ITPR2: variants seen among roughly 807,000 people sequenced by gnomAD.
ITPR2 encodes inositol 1,4,5-trisphosphate-gated calcium channel ITPR2.
ITPR2 carries 207 observed loss-of-function variants against 317.1 expected under a neutral mutation model. The observed-to-expected ratio is 0.65, with a 90% CI of 0.58 to 0.73. The LOEUF (loss-of-function observed/expected upper bound fraction) is 0.73. Ranked by LOEUF, ITPR2 falls within the 30% of genes least tolerant of loss-of-function variation. ITPR2 has a pLI of 0.00. For missense variants in ITPR2, 2,613 were observed against 3,284.0 expected (o/e 0.80, Z 4.99); for synonymous variants, 1,156 against 1,149.1 (o/e 1.01, Z -0.12).
chr12:26,359,095 G>A (rs1219791465), intron 55 of ITPR2, among the ~76,000 whole-genome samples: 2 of 152,368 alleles, frequency 1.3e-5, no homozygotes, highest in South Asian at 2.1e-4. Flanking sequence ...CAAGTTCTAG[G>A]AGGGCAGGGC....
intron 2 of ITPR2, 156 bp from the exon 3 acceptor site, chr12:26,725,921 A>G (rs1369843734): frequency 1.1e-5 from 6 of 534,812 alleles, no homozygotes; most frequent in African/African-American, 3.8e-5. Flanking sequence ...CATTCACTCT[A>G]TAACATCCTT....
At chr12:26,456,350 T>C (rs1198609111) in intron 45 of ITPR2, among the ~76,000 whole-genome samples, 1 of 152,196 alleles carries the variant, frequency 6.6e-6, no homozygotes, top group African/African-American at 2.4e-5. Context: ...GCCATGACAG[T>C]TTACACATGC....
At chr12:26,784,947 G>T (rs1389026561) in intron 2 of ITPR2, among the ~76,000 whole-genome samples, 2 of 1,052 alleles carry the variant, frequency 1.9e-3, no homozygotes, top group South Asian at 0.019. Flanking sequence ...GAGCGTCTCT[G>T]CCCCGCCGCC....
At chr12:26,816,039 G>A (rs937810976) in intron 1 of ITPR2, among the ~76,000 whole-genome samples, 1 of 143,696 alleles carries the variant, frequency 7.0e-6, no homozygotes, top group African/African-American at 2.6e-5. Context: ...CTTGCAGTGA[G>A]CTGAGATCGC....
At chr12:26,690,257 G>A (rs531466042) in intron 10 of ITPR2, among the ~76,000 whole-genome samples, 5 of 152,334 alleles carry the variant, frequency 3.3e-5, no homozygotes, top group Admixed American at 2.6e-4. Flanking sequence ...ATTGAACCAT[G>A]TTTGAATAAA....
In ITPR2 at chr12:26,782,012, ATATATATATATATATATATAT is replaced by A. The variant is rs1565759655; in HGVS notation, c.163+8124_163+8144del. Among the ~76,000 whole-genome samples, 83 of 30,648 alleles carry A rather than the reference ATATATATATATATATATATAT, an allele frequency of 2.7e-3. 1 individual carries two copies. The highest frequency in any genetic ancestry group is 4.3e-3 in the Non-Finnish European group (64 of 15,032). 20.1% of individuals were successfully genotyped at this position (30,648 alleles called of 152,430 possible). On this transcript the variant is annotated intron_variant, in intron 2 of 56. Coordinates refer to ENST00000381340, the MANE Select transcript of ITPR2 (RefSeq NM_002223.4). ...CCCCTGTATATATATATATATATAT[ATATATATATATATATATATAT>A]GTATAGAGAGAGAGAGAGAGAGAGA...
intron 2 of ITPR2, among the ~76,000 whole-genome samples, chr12:26,727,087 A>G (rs1948941975): frequency 1.3e-5 from 2 of 152,336 alleles, no homozygotes; most frequent in South Asian, 4.1e-4. Flanking sequence ...AGTATGATAC[A>G]GGAATCAACA....
At chr12:26,758,953 A>G (rs1050637806) in intron 2 of ITPR2, among the ~76,000 whole-genome samples, 9 of 152,242 alleles carry the variant, frequency 5.9e-5, no homozygotes, top group Non-Finnish European at 1.3e-4. Context: ...AGTCTCTTCC[A>G]TGACTGAGAT....
chr12:26,823,209 G>T (rs1454208538), intron 1 of ITPR2, among the ~76,000 whole-genome samples: 9 of 152,146 alleles, frequency 5.9e-5, no homozygotes, highest in Admixed American at 5.2e-4. Context: ...CTCAATGCCA[G>T]TGTTACCTCC....
At chr12:26,711,713 A>G (rs1565710745) in intron 8 of ITPR2, among the ~76,000 whole-genome samples, 1 of 152,222 alleles carries the variant, frequency 6.6e-6, no homozygotes, top group Non-Finnish European at 1.5e-5. Context: ...AATAAGTAAG[A>G]TTTGACAAGT....
At chr12:26,358,833 G>T (rs972383748) in intron 55 of ITPR2, among the ~76,000 whole-genome samples, 1 of 152,084 alleles carries the variant, frequency 6.6e-6, no homozygotes, top group Non-Finnish European at 1.5e-5. Context: ...CACATGAGCT[G>T]TGCTGCTGGT....
At chr12:26,360,751 T>C (rs1938799745) in intron 55 of ITPR2, among the ~76,000 whole-genome samples, 1 of 152,236 alleles carries the variant, frequency 6.6e-6, no homozygotes, top group Admixed American at 6.5e-5. Context: ...TTACTTCCTG[T>C]AAATTTCACC....
In ITPR2 at chr12:26,725,773, A is replaced by C; in HGVS notation, c.164-8T>G. On this transcript the variant is annotated splice_polypyrimidine_tract_variant and splice_region_variant and intron_variant, in intron 2 of 56. Transcript: ENST00000381340. ...ACACCTTGAAAAGGCAGTCTGTGACAAACCAACATACAAAAACACTGTAAC... is the reference window on the plus strand; with the variant it reads ...ACACCTTGAAAAGGCAGTCTGTGACCAACCAACATACAAAAACACTGTAAC... 1 of 1,565,650 alleles carries C rather than the reference A, an allele frequency of 6.4e-7. No homozygotes were observed. Among genetic ancestry groups the C allele is most frequent in the Non-Finnish European group, 8.8e-7 (1 of 1,136,622 alleles).
intron 37 of ITPR2, among the ~76,000 whole-genome samples, chr12:26,517,893 G>A (rs1943567488): frequency 6.6e-6 from 1 of 152,132 alleles, no homozygotes; most frequent in South Asian, 2.1e-4. Flanking sequence ...AAGTTGCAGA[G>A]AAAAGAGAAC....
intron 9 of ITPR2, among the ~76,000 whole-genome samples, chr12:26,699,071 C>T (rs745415304): frequency 1.5e-4 from 22 of 151,638 alleles, no homozygotes; most frequent in Non-Finnish European, 2.9e-4. Flanking sequence ...GCAACATGTT[C>T]GACCAAGGAT....
rs139507593 is a variant in ITPR2, at chr12:26,358,978, C to T, written c.7858-18650G>A. On this transcript the variant is annotated intron_variant, in intron 55 of 56. Transcript: ENST00000381340. Reference sequence around the variant, plus strand: ...CTCAGAGAGGCTACCATTGACAACCCTACCCAGCACACTTTCATCCCTTTC... The same window carrying T: ...CTCAGAGAGGCTACCATTGACAACCTTACCCAGCACACTTTCATCCCTTTC... Among the ~76,000 whole-genome samples the T allele has an allele frequency of 3.1e-3, 468 of 152,360 alleles. 2 individuals carry two copies. Among genetic ancestry groups the T allele is most frequent in the African/African-American group, 0.011 (446 of 41,592 alleles).
rs1942687413 is a variant in ITPR2 at position 26,487,065 on chromosome 12, T to C, written c.5554+3A>G. 6.2e-7 allele frequency: 1 copy of C among 1,610,324 alleles called. No individual in the cohort carries two copies. On this transcript the variant is annotated splice_donor_region_variant and intron_variant, in intron 40 of 56. Transcript: ENST00000381340. Reference sequence around the variant, plus strand: ...TCTCCCAAATACTCAAATACTTCTTTACCTCTCATTCGTGGACCAGATGTC... The same window carrying C: ...TCTCCCAAATACTCAAATACTTCTTCACCTCTCATTCGTGGACCAGATGTC...
chr12:26,525,147 A>T (rs56258730), intron 37 of ITPR2, among the ~76,000 whole-genome samples: 23,058 of 152,142 alleles, frequency 0.15, 2,394 homozygotes, highest in Non-Finnish European at 0.23. Flanking sequence ...CAAAGATTTT[A>T]CTGTAAAATA....
At chr12:26,481,320 T>A in intron 42 of ITPR2, 79 bp from the exon 43 acceptor site, 2 of 784,886 alleles carry the variant, frequency 2.5e-6, no homozygotes, top group Non-Finnish European at 2.1e-6. Context: ...TAAAACAACA[T>A]AATCACCTTA....
Sources: allele counts gnomAD v4.1 joint callset (sites outside exome capture counted in the v4.1 genomes callset), GRCh38; gene constraint gnomAD v4.1.1; transcripts MANE v1.5; gene names NCBI Gene and HGNC (gene_info 2026-07-23, HGNC 2026-07-21).